Variants in ARL8B observed in about 807,000 individuals in gnomAD.
The protein encoded by ARL8B is ADP-ribosylation factor-like protein 8B.
A neutral mutation model predicts 30.6 loss-of-function variants in ARL8B; 9 were observed. That is an observed-to-expected ratio of 0.29 (90% CI 0.18 to 0.51). The LOEUF is 0.51. Ranked by LOEUF, ARL8B falls within the 20% of genes least tolerant of loss-of-function variation. The pLI is 0.97. For synonymous variants in ARL8B, 74 were observed against 76.0 expected (o/e 0.97, Z 0.14); for missense variants, 130 against 227.2 (o/e 0.57, Z 2.75).
Position 5,142,371 on chromosome 3 carries a change from G to T in ARL8B, c.123+19783G>T, listed in dbSNP as rs2054381882. ...GAATGAGGGGATTGCTTTGGGATCTGACCTCTGCAATGTGGGAAAGAGCAG... is the reference window on the plus strand; with the variant it reads ...GAATGAGGGGATTGCTTTGGGATCTTACCTCTGCAATGTGGGAAAGAGCAG... On this transcript the variant is annotated intron_variant, in intron 1 of 6. Transcript: ENST00000256496. 3.3e-5 allele frequency among the ~76,000 whole-genome samples: 5 copies of T among 152,252 alleles called. 1 individual carries two copies. In the South Asian group the frequency reaches 1.0e-3, roughly 32 times the overall value.
At chr3:5,124,056 A>G (rs2054207121) in intron 1 of ARL8B, among the ~76,000 whole-genome samples, 1 of 151,946 alleles carries the variant, frequency 6.6e-6, no homozygotes, top group Non-Finnish European at 1.5e-5. Context: ...TTTAGTAGAG[A>G]TGGGTTTTGC....
At chr3:5,165,962 A>G (rs1403964250) in intron 1 of ARL8B, among the ~76,000 whole-genome samples, 1 of 152,076 alleles carries the variant, frequency 6.6e-6, no homozygotes, top group Non-Finnish European at 1.5e-5. Flanking sequence ...GTCAGTGCAC[A>G]GTACATCTCT....
chr3:5,173,242 A>T (rs1267575264), intron 4 of ARL8B, among the ~76,000 whole-genome samples: 2 of 152,190 alleles, frequency 1.3e-5, no homozygotes, highest in Non-Finnish European at 2.9e-5. Flanking sequence ...GGAGGGGAAG[A>T]GAGTTCCAGG....
At chr3:5,153,956 G>A (rs1575567877) in intron 1 of ARL8B, among the ~76,000 whole-genome samples, 1 of 151,768 alleles carries the variant, frequency 6.6e-6, no homozygotes, top group Non-Finnish European at 1.5e-5. Context: ...CCAGCACTTC[G>A]GAAGATGCTT....
chr3:5,164,590 G>A (rs2054608642), intron 1 of ARL8B, among the ~76,000 whole-genome samples: 1 of 152,160 alleles, frequency 6.6e-6, no homozygotes, highest in South Asian at 2.1e-4. Context: ...ATCGGAGGGT[G>A]AGGCCCTTGT....
intron 4 of ARL8B, among the ~76,000 whole-genome samples, chr3:5,173,596 G>C (rs1157692364): frequency 6.6e-6 from 1 of 152,126 alleles, no homozygotes; most frequent in Non-Finnish European, 1.5e-5. Context: ...TGGGCGTGGT[G>C]GTGGGCGCCT....
intron 2 of ARL8B, among the ~76,000 whole-genome samples, chr3:5,171,466 C>A (rs900534248): frequency 6.6e-6 from 1 of 152,066 alleles, no homozygotes; most frequent in Non-Finnish European, 1.5e-5. Flanking sequence ...GTTCTCCTGC[C>A]TCAGCCTCCC....
rs11928910 is a variant in ARL8B at position 5,151,497 on chromosome 3, C to T, written c.124-19006C>T. Among the ~76,000 whole-genome samples, 1,341 of 152,232 alleles carry T rather than the reference C, an allele frequency of 8.8e-3. 17 individuals are homozygous for T. The highest frequency in any genetic ancestry group is 0.03 in the African/African-American group (1,259 of 41,528). On this transcript the variant is annotated intron_variant, in intron 1 of 6. Transcript: ENST00000256496. ...TTTTCTTCTGAGCACTGATTAGCTG[C>T]ATTATACAAATTCTGACATGTTTCT...
rs1210786800 is a variant in ARL8B at position 5,179,607 on chromosome 3, A to G, written c.*894A>G. The G allele has an allele frequency of 5.9e-5, 9 of 152,662 alleles. No individual in the cohort carries two copies. The highest frequency in any genetic ancestry group is 3.9e-4 in the Admixed American group (6 of 15,280). The allele number at this position is 152,662 out of a possible 1,614,324, so 9.5% of individuals were successfully genotyped here. A position where few individuals can be genotyped will look rare whatever the true frequency, so the allele number is the denominator to read the frequency against. On this transcript the variant is annotated 3_prime_UTR_variant, in exon 7 of 7. Coordinates refer to ENST00000256496, the MANE Select transcript of ARL8B (RefSeq NM_018184.3). ...CTTTGTTCAAACATCTGTTTGTTCT[A>G]TCTCCAGTCATTAAATCAGTGCTGC... is the stretch of plus-strand genomic sequence containing the variant.
intron 1 of ARL8B, among the ~76,000 whole-genome samples, chr3:5,150,460 G>T (rs907890006): frequency 2.8e-5 from 2 of 71,982 alleles, no homozygotes; most frequent in African/African-American, 9.7e-5. Flanking sequence ...GAGAATCCAT[G>T]TCAAAATAAA....
intron 1 of ARL8B, among the ~76,000 whole-genome samples, chr3:5,144,316 T>C (rs936131705): frequency 1.4e-4 from 22 of 152,360 alleles, no homozygotes; most frequent in African/African-American, 5.3e-4. Context: ...GTGAAATTTA[T>C]TTGAATGCTT....
chr3:5,124,163 C>T (rs2054208410), intron 1 of ARL8B, among the ~76,000 whole-genome samples: 1 of 152,062 alleles, frequency 6.6e-6, no homozygotes, highest in East Asian at 1.9e-4. Flanking sequence ...GCCACCGCGC[C>T]TGGCCTCCTA....
At chr3:5,177,020 C>A (rs929329682) in intron 6 of ARL8B, among the ~76,000 whole-genome samples, 1 of 152,212 alleles carries the variant, frequency 6.6e-6, no homozygotes, top group African/African-American at 2.4e-5. Context: ...AAATCCTGTT[C>A]TACACTAACC....
At chr3:5,146,249 A>G (rs773827467) in intron 1 of ARL8B, among the ~76,000 whole-genome samples, 6 of 152,158 alleles carry the variant, frequency 3.9e-5, no homozygotes, top group Admixed American at 1.3e-4. Context: ...ACCACACTGA[A>G]CCACTTATGT....
chr3:5,164,319 A>G (rs2054606467), intron 1 of ARL8B, among the ~76,000 whole-genome samples: 1 of 152,198 alleles, frequency 6.6e-6, no homozygotes, highest in Non-Finnish European at 1.5e-5. Context: ...GTAGTAGGTA[A>G]TAGGTGGTAG....
At chr3:5,144,003 T>G (rs79046667) in intron 1 of ARL8B, among the ~76,000 whole-genome samples, 7,930 of 152,280 alleles carry the variant, frequency 0.052, 296 homozygotes, top group East Asian at 0.15. Flanking sequence ...TTTGGTGATA[T>G]GCTTTTTGAG....
rs2054752404 is a variant in ARL8B, at chr3:5,178,767, C to G, written c.*54C>G. On this transcript the variant is annotated 3_prime_UTR_variant, in exon 7 of 7. Coordinates refer to ENST00000256496, the MANE Select transcript of ARL8B (RefSeq NM_018184.3). The stretch of plus-strand genomic sequence containing the variant: ...TTGGCTATAATCCTAGAATTATTGT[C>G]CGTTCCTCTGAAGTAATTCCCAGAA... 6.2e-7 allele frequency: 1 copy of G among 1,608,744 alleles called. No individual in the cohort carries two copies. The highest frequency in any genetic ancestry group is 1.7e-5 in the Admixed American group (1 of 59,824).
chr3:5,127,485 A>G (rs1219287117), intron 1 of ARL8B, among the ~76,000 whole-genome samples: 3 of 152,210 alleles, frequency 2.0e-5, no homozygotes, highest in African/African-American at 7.2e-5. Context: ...AAATCCAGGC[A>G]TCTTAAGCAT....
At chr3:5,175,783 A>AT (rs1279194533) in intron 6 of ARL8B, among the ~76,000 whole-genome samples, 1 of 152,052 alleles carries the variant, frequency 6.6e-6, no homozygotes, top group Non-Finnish European at 1.5e-5. Flanking sequence ...TCACTTGTAG[A>AT]TATACCACTC....
Sources: allele counts gnomAD v4.1 joint callset (sites outside exome capture counted in the v4.1 genomes callset), GRCh38; gene constraint gnomAD v4.1.1; transcripts MANE v1.5; gene names NCBI Gene and HGNC (gene_info 2026-07-23, HGNC 2026-07-21).